CRISPLD2: variants seen among roughly 807,000 people sequenced by gnomAD.
The protein encoded by CRISPLD2 is cysteine rich secretory protein LCCL domain containing 2, also known as cysteine-rich secretory protein LCCL domain-containing 2.
Under a neutral mutation model 71.1 loss-of-function variants are expected in CRISPLD2, and 47 were observed. The observed-to-expected ratio is 0.66, with a 90% CI of 0.52 to 0.84. The LOEUF (loss-of-function observed/expected upper bound fraction) is 0.84, where lower values mean the gene tolerates loss of function less well. Among genes scored for constraint, CRISPLD2 ranks in the 40% least tolerant of loss-of-function variants. The probability of loss-of-function intolerance (pLI) is 0.00; values close to 1 mark genes in which losing one functional copy is unlikely to be tolerated. For synonymous variants in CRISPLD2, 317 were observed against 250.1 expected, an observed-to-expected ratio of 1.27 and a Z score of -2.52; for missense variants, 830 against 651.1, an observed-to-expected ratio of 1.27 and a Z score of -2.99.
chr16:84,877,468 C>T lies in CRISPLD2; in HGVS notation c.1187C>T (p.Ala396Val). 1 of 1,614,030 alleles carries T rather than the reference C, an allele frequency of 6.2e-7. No homozygotes were observed. The highest frequency in any genetic ancestry group is 1.1e-5 in the South Asian group (1 of 91,090). ...GATTTGGACTGCTACACGACCGTTG[C>T]TCAGCTGTGCCCGTTTGAAAAGCCA... ...VQDLDCYTTVAQLCPFEKPAT... is the reference protein window; with the variant it reads ...VQDLDCYTTVVQLCPFEKPAT... The change falls in exon 12 of 15, where the codon GCT becomes GTT. Residue 396 changes from alanine to valine, a missense_variant. Physicochemically the swap from Ala to Val is moderately conservative, Grantham distance 64. Coordinates refer to ENST00000262424, the MANE Select transcript of CRISPLD2 (RefSeq NM_031476.4).
chr16:84,834,717 C>T (rs931871232), intron 1 of CRISPLD2, among the ~76,000 whole-genome samples: 2 of 152,120 alleles, frequency 1.3e-5, no homozygotes, highest in African/African-American at 2.4e-5. Context: ...TTCTGGAGGC[C>T]AGAAGTCTAA....
chr16:84,874,347 C>T (rs1461401000), intron 11 of CRISPLD2, among the ~76,000 whole-genome samples: 1 of 152,176 alleles, frequency 6.6e-6, no homozygotes, highest in Non-Finnish European at 1.5e-5. Flanking sequence ...GAAAACAGAG[C>T]TTGATAGATT....
chr16:84,872,925 A>T (rs1484368017), intron 9 of CRISPLD2, 67 bp from the exon 10 acceptor site: 7 of 1,541,588 alleles, frequency 4.5e-6, no homozygotes, highest in Non-Finnish European at 5.2e-6. Flanking sequence ...ATGTTTGGGT[A>T]TTTCTGGTGA....
At chr16:84,854,627 CA>C in intron 5 of CRISPLD2, 101 bp from the exon 6 acceptor site, 1 of 807,548 alleles carries the variant, frequency 1.2e-6, no homozygotes, top group Non-Finnish European at 2.2e-6. Flanking sequence ...CCTGACCTGT[CA>C]GTGGCGGTGT....
chr16:84,860,922 G>A (rs991676535), intron 6 of CRISPLD2, among the ~76,000 whole-genome samples: 9 of 152,116 alleles, frequency 5.9e-5, no homozygotes, highest in African/African-American at 1.9e-4. Context: ...TTCTGAAGCC[G>A]GAAGTTAGAA....
intron 12 of CRISPLD2, 96 bp downstream of exon 12, chr16:84,877,606 T>A: frequency 8.5e-7 from 1 of 1,170,932 alleles, no homozygotes; most frequent in Non-Finnish European, 1.2e-6. Context: ...TCCCAGCACT[T>A]TGGGAGGCCG....
intron 3 of CRISPLD2, among the ~76,000 whole-genome samples, chr16:84,848,798 C>CG (rs977470779): frequency 5.3e-5 from 8 of 152,084 alleles, no homozygotes; most frequent in African/African-American, 1.9e-4. Flanking sequence ...CTGTGAAATA[C>CG]GGGCTTCATG....
chr16:84,831,479 C>T (rs187908299), intron 1 of CRISPLD2, among the ~76,000 whole-genome samples: 15 of 152,236 alleles, frequency 9.9e-5, no homozygotes, highest in African/African-American at 3.6e-4. Flanking sequence ...CTACAGTCTG[C>T]ATCTCCCAGG....
intron 6 of CRISPLD2, among the ~76,000 whole-genome samples, chr16:84,863,681 T>C (rs1373560329): frequency 6.6e-6 from 1 of 152,110 alleles, no homozygotes; most frequent in Non-Finnish European, 1.5e-5. Flanking sequence ...AAGAAAATGC[T>C]GGGGATGGCC....
chr16:84,847,525 C>T (rs1432184631), intron 3 of CRISPLD2, among the ~76,000 whole-genome samples: 2 of 152,096 alleles, frequency 1.3e-5, no homozygotes, highest in Admixed American at 6.5e-5. Flanking sequence ...GTGGCAGGCG[C>T]CTGTCATCCC....
intron 6 of CRISPLD2, among the ~76,000 whole-genome samples, chr16:84,857,414 A>G (rs1381989889): frequency 2.0e-5 from 3 of 152,094 alleles, no homozygotes; most frequent in Non-Finnish European, 2.9e-5. Flanking sequence ...ATCCATCCAC[A>G]TCCCTCTTTC....
At chr16:84,893,834 C>T (rs1279762411) in intron 14 of CRISPLD2, among the ~76,000 whole-genome samples, 1 of 152,190 alleles carries the variant, frequency 6.6e-6, no homozygotes, top group Non-Finnish European at 1.5e-5. Flanking sequence ...GGAGCTTATT[C>T]CCAATAGGGG....
intron 8 of CRISPLD2, among the ~76,000 whole-genome samples, chr16:84,869,633 A>G (rs572735421): frequency 3.3e-5 from 5 of 152,188 alleles, no homozygotes; most frequent in African/African-American, 9.6e-5. Flanking sequence ...TCATGTGTCA[A>G]CAGTCAGCAG....
chr16:84,844,330 C>G (rs980199331), intron 2 of CRISPLD2, among the ~76,000 whole-genome samples: 2 of 152,188 alleles, frequency 1.3e-5, no homozygotes, highest in Admixed American at 6.5e-5. Context: ...CGTCTCTTGT[C>G]AATTTCTTCT....
At position 84,901,882 on chromosome 16, in the gene CRISPLD2, C is replaced by T. The variant is rs544115488; in HGVS notation, c.1440-4706C>T. Among the ~76,000 whole-genome samples the T allele has an allele frequency of 8.3e-5, 12 of 144,034 alleles. No homozygotes were observed. In the East Asian group the frequency reaches 2.3e-3, roughly 27 times the overall value. The allele number at this position is 144,034 out of a possible 152,430, so 94.5% of individuals were successfully genotyped here. Reference sequence around the variant, plus strand: ...GATCTCGGCTCGTTGTAACCTCCACCTCCTGGGTTCAAATGATTCTCCTGC... The same window carrying T: ...GATCTCGGCTCGTTGTAACCTCCACTTCCTGGGTTCAAATGATTCTCCTGC... On this transcript the variant is annotated intron_variant, in intron 14 of 14. Transcript: ENST00000262424.
chr16:84,838,022 G>A (rs1916668680), intron 1 of CRISPLD2, among the ~76,000 whole-genome samples: 1 of 152,186 alleles, frequency 6.6e-6, no homozygotes, highest in Admixed American at 6.6e-5. Flanking sequence ...GGTCCACGGA[G>A]CATCCTTTGG....
intron 4 of CRISPLD2, among the ~76,000 whole-genome samples, chr16:84,849,725 T>G (rs1223278969): frequency 1.3e-5 from 2 of 151,308 alleles, no homozygotes; most frequent in African/African-American, 4.9e-5. Flanking sequence ...CAAACTCTTT[T>G]TTTTCTTTGA....
chr16:84,846,529 C>T (rs1003474819), intron 3 of CRISPLD2, among the ~76,000 whole-genome samples: 1 of 152,094 alleles, frequency 6.6e-6, no homozygotes, highest in Non-Finnish European at 1.5e-5. Flanking sequence ...GCGGGGATTA[C>T]AGGCATGAGC....
rs1014545881 is a variant in CRISPLD2, at chr16:84,848,200, G to A, written c.360-1185G>A. On this transcript the variant is annotated intron_variant, in intron 3 of 14. Transcript: ENST00000262424. ...GCGTGACCTTGAGCCGCAGGGAAGCGGATGAGTGGCCAGCAGCCCTCTGCT... is the reference window on the plus strand; with the variant it reads ...GCGTGACCTTGAGCCGCAGGGAAGCAGATGAGTGGCCAGCAGCCCTCTGCT... Among the ~76,000 whole-genome samples the A allele has an allele frequency of 9.2e-5, 14 of 152,188 alleles. No homozygotes were observed. In the East Asian group the frequency reaches 1.9e-3, roughly 21 times the overall value.
Sources: allele counts gnomAD v4.1 joint callset (sites outside exome capture counted in the v4.1 genomes callset), GRCh38; gene constraint gnomAD v4.1.1; transcripts MANE v1.5; gene names NCBI Gene and HGNC (gene_info 2026-07-23, HGNC 2026-07-21).